The following RGS8 variants were observed in gnomAD, a reference collection of about 807,000 sequenced individuals.
RGS8 encodes regulator of G-protein signaling 8.
In RGS8, 8 loss-of-function variants were observed where a neutral mutation model predicts 21.7. The ratio of observed to expected loss-of-function variants is 0.37; its 90% CI spans 0.22 to 0.66. RGS8 has a LOEUF of 0.66. Ranked by LOEUF, RGS8 falls within the 30% of genes least tolerant of loss-of-function variation. The probability of loss-of-function intolerance (pLI) is 0.59; values close to 1 mark genes in which losing one functional copy is unlikely to be tolerated. For missense variants in RGS8, 157 were observed against 217.9 expected, an observed-to-expected ratio of 0.72 and a Z score of 1.76; for synonymous variants, 80 against 83.6, an observed-to-expected ratio of 0.96 and a Z score of 0.24.
At chr1:182,667,060 C>CA in intron 3 of RGS8, 87 bp from the exon 5 acceptor site, 1 of 1,085,818 alleles carries the variant, frequency 9.2e-7, no homozygotes, top group Non-Finnish European at 1.4e-6. Context: ...GCTGCTGCTA[C>CA]GGGAGCCAGC....
the RGS8 span, among the ~76,000 whole-genome samples, chr1:182,727,276 G>A: frequency 4.1e-4 from 63 of 152,228 alleles, 1 homozygote; most frequent in African/African-American, 1.4e-3. Flanking sequence ...TCTGTAGAAT[G>A]AGCTAATAAT....
At chr1:182,707,112 C>G in the RGS8 span, among the ~76,000 whole-genome samples, 3 of 151,952 alleles carry the variant, frequency 2.0e-5, no homozygotes, top group Non-Finnish European at 2.9e-5. Context: ...GAGCCGAGAT[C>G]GCACCACTGC....
upstream of RGS8, chr1:182,673,003 A>G (rs1664236183): frequency 2.8e-6 from 2 of 714,744 alleles, no homozygotes; most frequent in East Asian, 5.2e-5. Context: ...CTCTGGGGAC[A>G]GTAATCAGCC....
chr1:182,702,374 A>G, the RGS8 span, among the ~76,000 whole-genome samples: 3 of 152,186 alleles, frequency 2.0e-5, no homozygotes, highest in Non-Finnish European at 2.9e-5. Flanking sequence ...AATCGAAAAG[A>G]TGACTAGAGT....
chr1:182,751,395 C>T, the RGS8 span, among the ~76,000 whole-genome samples: 1 of 152,132 alleles, frequency 6.6e-6, no homozygotes, highest in Non-Finnish European at 1.5e-5. Context: ...GTTGAGAACC[C>T]TATTAGGTGT....
At chr1:182,739,520 T>G in the RGS8 span, among the ~76,000 whole-genome samples, 1 of 152,122 alleles carries the variant, frequency 6.6e-6, no homozygotes, top group African/African-American at 2.4e-5. Flanking sequence ...GGGTTTCTTT[T>G]AAGAGGAAAA....
intron 5 of RGS8, among the ~76,000 whole-genome samples, chr1:182,660,575 C>A (rs1663536524): frequency 6.6e-6 from 1 of 151,270 alleles, no homozygotes; most frequent in South Asian, 2.1e-4. Context: ...CTGTGGAACC[C>A]TCCTCCCTAC....
intron 5 of RGS8, among the ~76,000 whole-genome samples, chr1:182,649,762 G>A (rs913672365): frequency 2.0e-5 from 3 of 152,130 alleles, no homozygotes; most frequent in Admixed American, 2.0e-4. Flanking sequence ...TCAAATAACA[G>A]CTATAGTTTT....
At chr1:182,734,687 G>C in the RGS8 span, 2 of 152,152 alleles carry the variant, frequency 1.3e-5, no homozygotes, top group Non-Finnish European at 2.9e-5. Flanking sequence ...AGGAGGTGAG[G>C]GAATTGACCT....
chr1:182,741,288 G>C, the RGS8 span, among the ~76,000 whole-genome samples: 3 of 87,720 alleles, frequency 3.4e-5, no homozygotes, highest in East Asian at 3.7e-4. Flanking sequence ...CCTCCCGGAC[G>C]GGGCGGCTGG....
At chr1:182,724,392 T>C in the RGS8 span, among the ~76,000 whole-genome samples, 2 of 151,214 alleles carry the variant, frequency 1.3e-5, no homozygotes, top group African/African-American at 4.9e-5. Context: ...GGTGGGACAA[T>C]TGACCATCTG....
the RGS8 span, among the ~76,000 whole-genome samples, chr1:182,700,676 A>G: frequency 2.6e-5 from 4 of 152,338 alleles, no homozygotes; most frequent in African/African-American, 9.6e-5. Flanking sequence ...TTCTCATTCT[A>G]CTAAGTACAC....
chr1:182,704,533 T>A, the RGS8 span, among the ~76,000 whole-genome samples: 3 of 152,230 alleles, frequency 2.0e-5, no homozygotes, highest in Non-Finnish European at 4.4e-5. Context: ...AGGGGGGGCA[T>A]CTTGGACCCA....
chr1:182,717,911 T>C, the RGS8 span, among the ~76,000 whole-genome samples: 1 of 152,192 alleles, frequency 6.6e-6, no homozygotes, highest in Non-Finnish European at 1.5e-5. Flanking sequence ...CATCTCTTTT[T>C]CCAAGCTGAA....
At chr1:182,750,278 G>A in the RGS8 span, among the ~76,000 whole-genome samples, 9 of 152,282 alleles carry the variant, frequency 5.9e-5, no homozygotes, top group Non-Finnish European at 1.0e-4. Context: ...TAAAGATGTG[G>A]TGAGGGTTCC....
chr1:182,741,381 C>T, the RGS8 span, among the ~76,000 whole-genome samples: 2 of 135,814 alleles, frequency 1.5e-5, no homozygotes, highest in Non-Finnish European at 3.2e-5. Flanking sequence ...ACCTCCCTCC[C>T]GGACGGGGCG....
chr1:182,725,609 A>G, the RGS8 span, among the ~76,000 whole-genome samples: 1 of 152,216 alleles, frequency 6.6e-6, no homozygotes, highest in Non-Finnish European at 1.5e-5. Flanking sequence ...GGTGCTGGGT[A>G]GTCCCTGAAT....
chr1:182,724,242 A>ATC, the RGS8 span, among the ~76,000 whole-genome samples: 1 of 125,130 alleles, frequency 8.0e-6, no homozygotes, highest in Non-Finnish European at 1.7e-5. Flanking sequence ...ATATATATAT[A>ATC]TATATCCTAT....
chr1:182,719,566 G>A, the RGS8 span, among the ~76,000 whole-genome samples: 4 of 150,144 alleles, frequency 2.7e-5, no homozygotes, highest in Non-Finnish European at 4.4e-5. Flanking sequence ...GAGTAGGTGC[G>A]ACTACAGGCG....
Sources: allele counts gnomAD v4.1 joint callset (sites outside exome capture counted in the v4.1 genomes callset), GRCh38; gene constraint gnomAD v4.1.1; transcripts MANE v1.5; gene names NCBI Gene and HGNC (gene_info 2026-07-23, HGNC 2026-07-21).